LOC400499: variants seen among roughly 807,000 people sequenced by gnomAD.
At chr16:11,406,915 G>C in the LOC400499 span, among the ~76,000 whole-genome samples, 57 of 152,310 alleles carry the variant, frequency 3.7e-4, no homozygotes, top group African/African-American at 1.3e-3. Context: ...ATTTCGGGGA[G>C]TCAATCTCCC....
At chr16:11,448,975 A>T in the LOC400499 span, 1 of 1,506,372 alleles carries the variant, frequency 6.6e-7, no homozygotes, top group Non-Finnish European at 8.9e-7. Flanking sequence ...GGGCCTTTCA[A>T]CCAGCAGTTC....
the LOC400499 span, among the ~76,000 whole-genome samples, chr16:11,497,330 A>T: frequency 3.9e-5 from 6 of 152,196 alleles, no homozygotes; most frequent in African/African-American, 1.4e-4. Context: ...AGCACATTCA[A>T]TGTTTCCCTA....
At chr16:11,428,044 T>C in the LOC400499 span, among the ~76,000 whole-genome samples, 1 of 152,122 alleles carries the variant, frequency 6.6e-6, no homozygotes, top group Admixed American at 6.5e-5. Context: ...AGCAAGTTTA[T>C]TAAGAAAGGA....
the LOC400499 span, among the ~76,000 whole-genome samples, chr16:11,461,490 G>A: frequency 6.6e-6 from 1 of 152,152 alleles, no homozygotes; most frequent in East Asian, 1.9e-4. Context: ...CGAAGTGCTG[G>A]GATTTCAGGC....
At chr16:11,405,913 A>C in the LOC400499 span, among the ~76,000 whole-genome samples, 3 of 151,718 alleles carry the variant, frequency 2.0e-5, no homozygotes, top group Non-Finnish European at 4.4e-5. Flanking sequence ...TTCCCCACCC[A>C]CCCAGCTCCA....
At chr16:11,418,666 C>T in the LOC400499 span, among the ~76,000 whole-genome samples, 5 of 152,320 alleles carry the variant, frequency 3.3e-5, no homozygotes, top group East Asian at 3.9e-4. Context: ...CGGTCTGGAT[C>T]GAGACCCCAT....
chr16:11,480,983 C>T, the LOC400499 span, among the ~76,000 whole-genome samples: 758 of 152,298 alleles, frequency 5.0e-3, 4 homozygotes, highest in African/African-American at 0.017. Context: ...GATAAACACA[C>T]GTGGTACATC....
At chr16:11,507,830 A>C in the LOC400499 span, among the ~76,000 whole-genome samples, 1 of 144,442 alleles carries the variant, frequency 6.9e-6, no homozygotes, top group Non-Finnish European at 1.5e-5. Flanking sequence ...GGTACTCTGG[A>C]GGCTGAGGTG....
At chr16:11,521,161 G>A in the LOC400499 span, among the ~76,000 whole-genome samples, 1 of 152,172 alleles carries the variant, frequency 6.6e-6, no homozygotes, top group Admixed American at 6.5e-5. Context: ...ACCTCATCCT[G>A]TGGTCTACAT....
At chr16:11,522,893 G>A in the LOC400499 span, among the ~76,000 whole-genome samples, 3 of 152,194 alleles carry the variant, frequency 2.0e-5, no homozygotes, top group Admixed American at 2.0e-4. Context: ...GGAACAGAGA[G>A]GTCTGTAATT....
At chr16:11,435,829 T>TA in the LOC400499 span, 127 of 399,156 alleles carry the variant, frequency 3.2e-4, no homozygotes, top group East Asian at 4.4e-3. Context: ...TTTGCACAGA[T>TA]AGAGACCCGT....
chr16:11,374,386 C>T, the LOC400499 span, among the ~76,000 whole-genome samples: 175 of 152,310 alleles, frequency 1.1e-3, 1 homozygote, highest in Non-Finnish European at 2.0e-3. Context: ...TTTTAAAGTA[C>T]ACAATTCAGT....
At chr16:11,448,515 A>AAAACAAAC in the LOC400499 span, among the ~76,000 whole-genome samples, 1 of 56,090 alleles carries the variant, frequency 1.8e-5, no homozygotes, top group African/African-American at 5.4e-5. Flanking sequence ...CGTGTCTGCT[A>AAAACAAAC]AAACAAACAA....
At chr16:11,473,645 C>A in the LOC400499 span, among the ~76,000 whole-genome samples, 2 of 151,884 alleles carry the variant, frequency 1.3e-5, no homozygotes, top group East Asian at 3.9e-4. Flanking sequence ...GCCCCAGCTA[C>A]TTGGGAGGCT....
the LOC400499 span, among the ~76,000 whole-genome samples, chr16:11,485,606 G>A: frequency 6.6e-6 from 1 of 151,908 alleles, no homozygotes. Context: ...TCCTTCCCAC[G>A]CATCCATCCA....
chr16:11,437,523 C>T, the LOC400499 span, among the ~76,000 whole-genome samples: 1 of 152,204 alleles, frequency 6.6e-6, no homozygotes, highest in Admixed American at 6.5e-5. Flanking sequence ...CATGCCACTG[C>T]TCTCCAGCCT....
At chr16:11,491,882 T>C in the LOC400499 span, 17 of 398,504 alleles carry the variant, frequency 4.3e-5, no homozygotes, top group East Asian at 4.6e-4. Flanking sequence ...ACCCAAGGCC[T>C]ACCTACCTCC....
At chr16:11,414,371 G>A in the LOC400499 span, 1 of 399,524 alleles carries the variant, frequency 2.5e-6, no homozygotes, top group Admixed American at 4.4e-5. Flanking sequence ...CCCAGCCTCT[G>A]GAGAGCAGGC....
the LOC400499 span, among the ~76,000 whole-genome samples, chr16:11,527,267 C>T: frequency 0.21 from 31,868 of 152,030 alleles, 3,779 homozygotes; most frequent in African/African-American, 0.33. Flanking sequence ...AAGAGGAGGG[C>T]TCAGCTTTAA....
Sources: allele counts gnomAD v4.1 joint callset (sites outside exome capture counted in the v4.1 genomes callset), GRCh38; gene constraint gnomAD v4.1.1; transcripts MANE v1.5.